APLF: variants seen among roughly 807,000 people sequenced by gnomAD.
APLF encodes the protein aprataxin and PNK-like factor.
In APLF, 61 loss-of-function variants were observed where a neutral mutation model predicts 55.6. The ratio of observed to expected loss-of-function variants is 1.10; its 90% CI spans 0.89 to 1.36. APLF has a LOEUF of 1.36. Ranked by LOEUF, APLF falls within the 40% of genes most tolerant of loss-of-function variation. The pLI is 0.00. For synonymous variants in APLF, 207 were observed against 214.8 expected (o/e 0.96, Z 0.32); for missense variants, 611 against 602.5 (o/e 1.01, Z -0.15).
intron 7 of APLF, among the ~76,000 whole-genome samples, chr2:68,538,814 T>G (rs1670475189): frequency 6.6e-6 from 1 of 152,226 alleles, no homozygotes; most frequent in Non-Finnish European, 1.5e-5. Flanking sequence ...ATAGTGTTTA[T>G]AGTAACATGT....
At chr2:68,468,989 GGT>G (rs34695552) in intron 1 of APLF, among the ~76,000 whole-genome samples, 3,877 of 146,552 alleles carry the variant, frequency 0.026, 47 homozygotes, top group African/African-American at 0.042. Flanking sequence ...GTCCTAAAGG[GGT>G]GTGTGTGTGT....
chr2:68,511,914 A>G (rs1669384190), intron 3 of APLF, among the ~76,000 whole-genome samples: 1 of 151,712 alleles, frequency 6.6e-6, no homozygotes, highest in Non-Finnish European at 1.5e-5. Flanking sequence ...TTGACATTGA[A>G]GGCTGCCTTT....
chr2:68,492,927 T>C (rs1676416128), intron 2 of APLF, among the ~76,000 whole-genome samples: 1 of 152,214 alleles, frequency 6.6e-6, no homozygotes, highest in Non-Finnish European at 1.5e-5. Flanking sequence ...GGTAGCTCTT[T>C]TTTATCCTTT....
intron 8 of APLF, among the ~76,000 whole-genome samples, chr2:68,562,098 A>T (rs566330243): frequency 3.3e-5 from 5 of 152,174 alleles, no homozygotes; most frequent in African/African-American, 9.6e-5. Context: ...GATAAGGTAG[A>T]TGAACCTAGA....
intron 5 of APLF, among the ~76,000 whole-genome samples, chr2:68,517,448 T>C (rs1451460985): frequency 7.2e-6 from 1 of 138,368 alleles, no homozygotes; most frequent in Non-Finnish European, 1.5e-5. Flanking sequence ...TATATGTTAT[T>C]ACTATATATT....
intron 2 of APLF, among the ~76,000 whole-genome samples, chr2:68,498,037 C>T (rs1487462404): frequency 6.6e-6 from 1 of 152,154 alleles, no homozygotes; most frequent in African/African-American, 2.4e-5. Context: ...GCACTGTCTA[C>T]AAGGTGCAAT....
rs1187057974 is a variant in APLF, at chr2:68,526,206, A to G, written c.768A>G (p.Lys256=). Residue 256 remains lysine, a synonymous_variant, in exon 6 of 10, where the codon AAA becomes AAG. Transcript: ENST00000303795. ...AACAAGACACAGGAGAAGAGTGCAA[A>G]AATACTGATCAGGAAGAGTCTACCA... The part of the protein sequence containing the change: ...SAEQDTGEEC[K]NTDQEESTIS... The G allele has an allele frequency of 6.2e-7, 1 of 1,612,446 alleles. No homozygotes were observed. The highest frequency in any genetic ancestry group is 1.3e-5 in the African/African-American group (1 of 74,832).
chr2:68,555,003 C>G (rs1670964897), intron 8 of APLF, among the ~76,000 whole-genome samples: 1 of 151,956 alleles, frequency 6.6e-6, no homozygotes, highest in East Asian at 1.9e-4. Context: ...AAAAAAACCC[C>G]TAATACTTAC....
At chr2:68,494,670 T>C (rs1483936885) in intron 2 of APLF, among the ~76,000 whole-genome samples, 1 of 152,116 alleles carries the variant, frequency 6.6e-6, no homozygotes, top group African/African-American at 2.4e-5. Flanking sequence ...CACTCTTTAG[T>C]AGGCCCCATT....
At chr2:68,490,042 T>C (rs1294404353) in intron 1 of APLF, 148 bp from the exon 2 acceptor site, 2 of 475,804 alleles carry the variant, frequency 4.2e-6, no homozygotes, top group Non-Finnish European at 7.3e-6. Context: ...AGGACAATCA[T>C]TTCAATATAC....
chr2:68,564,643 C>G (rs893905927), intron 8 of APLF, among the ~76,000 whole-genome samples: 2 of 152,060 alleles, frequency 1.3e-5, no homozygotes, highest in African/African-American at 2.4e-5. Context: ...AGTATGGGTT[C>G]TGTTGTTATC....
intron 5 of APLF, among the ~76,000 whole-genome samples, chr2:68,522,312 A>G (rs1218720802): frequency 2.0e-5 from 3 of 151,958 alleles, no homozygotes; most frequent in East Asian, 3.9e-4. Flanking sequence ...TTGCATTTTC[A>G]TGTGTTAATG....
intron 2 of APLF, among the ~76,000 whole-genome samples, chr2:68,493,471 A>G (rs1048151109): frequency 6.6e-6 from 1 of 152,226 alleles, no homozygotes; most frequent in South Asian, 2.1e-4. Flanking sequence ...TAAACAGGAT[A>G]TAAAAAGCAT....
intron 1 of APLF, among the ~76,000 whole-genome samples, chr2:68,485,522 C>T (rs1305720252): frequency 6.6e-6 from 1 of 152,108 alleles, no homozygotes; most frequent in African/African-American, 2.4e-5. Context: ...TCTACCATTT[C>T]CTTTGTCAGT....
At chr2:68,508,495 A>C (rs1317412393) in intron 3 of APLF, among the ~76,000 whole-genome samples, 1 of 151,912 alleles carries the variant, frequency 6.6e-6, no homozygotes, top group Non-Finnish European at 1.5e-5. Flanking sequence ...TAAGCACTAA[A>C]ACTACAAAAC....
chr2:68,500,328 T>G (rs1456653878), intron 2 of APLF, among the ~76,000 whole-genome samples: 1 of 152,240 alleles, frequency 6.6e-6, no homozygotes, highest in Non-Finnish European at 1.5e-5. Context: ...ACCATACTCA[T>G]GGGTTCACTT....
intron 8 of APLF, among the ~76,000 whole-genome samples, chr2:68,553,240 C>G (rs1670914408): frequency 6.6e-6 from 1 of 151,980 alleles, no homozygotes; most frequent in Non-Finnish European, 1.5e-5. Context: ...CAAAGTACCT[C>G]TAGATAAGGA....
chr2:68,468,006 A>C (rs2103861985), intron 1 of APLF, among the ~76,000 whole-genome samples, 179 bp downstream of exon 1: 1 of 152,276 alleles, frequency 6.6e-6, no homozygotes, highest in African/African-American at 2.4e-5. Context: ...ACATTTCTTT[A>C]TGTTGCTTTT....
chr2:68,482,735 G>T (rs535480449), intron 1 of APLF, among the ~76,000 whole-genome samples: 1 of 152,126 alleles, frequency 6.6e-6, no homozygotes, highest in East Asian at 1.9e-4. Context: ...GAGTATGTCC[G>T]CCTAGGGTGG....
Sources: gnomAD v4.1 joint callset for allele counts (sites outside exome capture counted in the v4.1 genomes callset) on GRCh38, gnomAD v4.1.1 for gene constraint, MANE v1.5 for transcripts, NCBI Gene and HGNC (gene_info 2026-07-23, HGNC 2026-07-21) for gene names.